Variants in RARB observed in about 807,000 individuals in gnomAD.
The protein encoded by RARB is retinoic acid receptor beta.
In RARB, 17 loss-of-function variants were observed where a neutral mutation model predicts 51.9. The ratio of observed to expected loss-of-function variants is 0.33; its 90% CI spans 0.22 to 0.49. RARB has a LOEUF of 0.49. Among genes scored for constraint, RARB ranks in the 20% least tolerant of loss-of-function variants. The pLI is 0.99. For missense variants in RARB, 369 were observed against 550.8 expected (o/e 0.67, Z 3.30); for synonymous variants, 215 against 195.4 (o/e 1.10, Z -0.84).
intron 2 of RARB, among the ~76,000 whole-genome samples, chr3:24,905,456 G>GA (rs1694841448): frequency 6.6e-6 from 1 of 152,174 alleles, no homozygotes; most frequent in African/African-American, 2.4e-5. Context: ...TAACACTGGT[G>GA]ATGGTACTCA....
At chr3:25,395,716 A>G (rs1216647776) in intron 5 of RARB, among the ~76,000 whole-genome samples, 1 of 151,532 alleles carries the variant, frequency 6.6e-6, no homozygotes, top group African/African-American at 2.4e-5. Flanking sequence ...TATATTTTGG[A>G]TTTCTCTATG....
intron 5 of RARB, among the ~76,000 whole-genome samples, chr3:25,300,648 G>A (rs566168076): frequency 6.6e-6 from 1 of 152,238 alleles, no homozygotes; most frequent in Admixed American, 6.5e-5. Flanking sequence ...AGCTAGGACT[G>A]TATGTATCCC....
chr3:24,861,957 G>A (rs1172586944), intron 2 of RARB, among the ~76,000 whole-genome samples: 1 of 152,208 alleles, frequency 6.6e-6, no homozygotes, highest in African/African-American at 2.4e-5. Context: ...TTCCATGTAA[G>A]TGGATCAGCT....
At chr3:25,087,919 T>C (rs1241051447) in intron 3 of RARB, among the ~76,000 whole-genome samples, 1 of 151,890 alleles carries the variant, frequency 6.6e-6, no homozygotes, top group African/African-American at 2.4e-5. Context: ...AAATAGATTT[T>C]TATGTGGGGC....
At chr3:25,269,613 G>A (rs1703207791) in intron 5 of RARB, among the ~76,000 whole-genome samples, 1 of 152,140 alleles carries the variant, frequency 6.6e-6, no homozygotes. Context: ...CTAGAAAATA[G>A]CTAGTCTTCA....
rs150774097 is a variant in RARB at position 24,926,432 on chromosome 3, A to G, written c.-380+67680A>G. On this transcript the variant is annotated intron_variant, in intron 2 of 11. Coordinates refer to the RARB transcript ENST00000383772. ...AGTTTTGCCATCAAATACAAGTTCA[A>G]TTGAAGAGAGATTGTTGACCCGCAA... Among the ~76,000 whole-genome samples, 304 of 152,236 alleles carry G rather than the reference A, an allele frequency of 2.0e-3. 1 individual carries two copies. The highest frequency in any genetic ancestry group is 6.3e-3 in the African/African-American group (262 of 41,560).
At chr3:25,546,034 C>A (rs1242077079) in intron 3 of RARB, among the ~76,000 whole-genome samples, 1 of 151,676 alleles carries the variant, frequency 6.6e-6, no homozygotes, top group African/African-American at 2.4e-5. Context: ...AGACAGCAGA[C>A]ATCTGGGAGG....
intron 1 of RARB, among the ~76,000 whole-genome samples, chr3:25,458,965 T>C (rs911015984): frequency 6.6e-6 from 1 of 152,230 alleles, no homozygotes; most frequent in Non-Finnish European, 1.5e-5. Context: ...AAATATTTAT[T>C]GATTATCTGC....
chr3:24,907,348 T>A (rs1389254098), intron 2 of RARB, among the ~76,000 whole-genome samples: 3 of 152,194 alleles, frequency 2.0e-5, no homozygotes, highest in African/African-American at 7.2e-5. Context: ...TAAGTAATGC[T>A]GATGCCACTG....
At chr3:25,483,478 C>T (rs1350800388) in intron 2 of RARB, among the ~76,000 whole-genome samples, 1 of 151,476 alleles carries the variant, frequency 6.6e-6, no homozygotes, top group Admixed American at 6.6e-5. Flanking sequence ...GACCTCTAGA[C>T]CCTGGTTTTC....
chr3:25,358,333 A>G (rs1479895794), intron 5 of RARB, among the ~76,000 whole-genome samples: 1 of 152,180 alleles, frequency 6.6e-6, no homozygotes, highest in Non-Finnish European at 1.5e-5. Flanking sequence ...TTGAATTTGT[A>G]TCCTAAGGCT....
chr3:25,413,631 C>T (rs533742429), intron 5 of RARB, among the ~76,000 whole-genome samples: 1 of 151,548 alleles, frequency 6.6e-6, no homozygotes, highest in African/African-American at 2.4e-5. Flanking sequence ...TCCACATCTT[C>T]ACCAACCCTT....
chr3:25,093,499 C>T (rs1014200826), intron 3 of RARB, among the ~76,000 whole-genome samples: 6 of 152,146 alleles, frequency 3.9e-5, no homozygotes, highest in South Asian at 2.1e-4. Context: ...TAGCCCTTCC[C>T]CCCAAACTAG....
chr3:25,417,198 TAAAA>T (rs35119404), intron 5 of RARB, among the ~76,000 whole-genome samples: 1 of 141,610 alleles, frequency 7.1e-6, no homozygotes, highest in Non-Finnish European at 1.5e-5. Flanking sequence ...AAAAACCAAT[TAAAA>T]AAAAAAAAAA....
chr3:24,906,968 G>C (rs932349550), intron 2 of RARB, among the ~76,000 whole-genome samples: 5 of 151,812 alleles, frequency 3.3e-5, no homozygotes, highest in Non-Finnish European at 5.9e-5. Context: ...GGAAGAGAAT[G>C]ATGGTGAATT....
At chr3:24,919,164 A>G (rs1265742311) in intron 2 of RARB, among the ~76,000 whole-genome samples, 1 of 152,146 alleles carries the variant, frequency 6.6e-6, no homozygotes, top group Non-Finnish European at 1.5e-5. Context: ...ATAAGTGTCA[A>G]CTCCTACTAC....
In RARB at chr3:25,222,470, G is replaced by T. The variant is rs138926909; in HGVS notation, c.178+47895G>T. ...TTTCATAGTTGTCAAAGTGCTTGTG[G>T]ATTTCTATATGATTCATAGCTGATA... On this transcript the variant is annotated intron_variant, in intron 5 of 11. Transcript: ENST00000383772. Among the ~76,000 whole-genome samples the T allele has an allele frequency of 1.5e-3, 231 of 152,070 alleles. 1 individual carries two copies. The highest frequency in any genetic ancestry group is 5.3e-3 in the African/African-American group (221 of 41,460).
chr3:25,362,967 G>A (rs1201115117), intron 5 of RARB, among the ~76,000 whole-genome samples: 3 of 151,978 alleles, frequency 2.0e-5, no homozygotes, highest in Non-Finnish European at 4.4e-5. Context: ...ATGTTGATGA[G>A]TAAGAAAAAA....
intron 2 of RARB, among the ~76,000 whole-genome samples, chr3:25,010,957 T>C (rs1470748995): frequency 6.6e-6 from 1 of 152,164 alleles, no homozygotes; most frequent in Non-Finnish European, 1.5e-5. Flanking sequence ...GGCTTTGCTT[T>C]CTTTTCACAT....
Sources: gnomAD v4.1 joint callset for allele counts (sites outside exome capture counted in the v4.1 genomes callset) on GRCh38, gnomAD v4.1.1 for gene constraint, MANE v1.5 for transcripts, NCBI Gene and HGNC (gene_info 2026-07-23, HGNC 2026-07-21) for gene names.